Variants in TJP2 observed in about 807,000 individuals in gnomAD.
TJP2 encodes the protein tight junction protein 2.
A neutral mutation model predicts 133.1 loss-of-function variants in TJP2; 91 were observed. The ratio of observed to expected loss-of-function variants is 0.68; its 90% confidence interval spans 0.58 to 0.81. The LOEUF is 0.81. TJP2 is among the 40% of genes least tolerant of loss of function. TJP2 has a pLI of 0.00. For synonymous variants in TJP2, 592 were observed against 583.4 expected (o/e 1.01, Z -0.21); for missense variants, 1,541 against 1,565.6 (o/e 0.98, Z 0.26).
At chr9:69,164,257 T>C (rs1824235571) in intron 2 of TJP2, among the ~76,000 whole-genome samples, 1 of 152,146 alleles carries the variant, frequency 6.6e-6, no homozygotes, top group Non-Finnish European at 1.5e-5. Context: ...ACTCTTCAAC[T>C]TTAATCTGTG....
At chr9:69,147,925 CTTTTT>C (rs71951691) in intron 1 of TJP2, among the ~76,000 whole-genome samples, 1 of 143,774 alleles carries the variant, frequency 7.0e-6, no homozygotes. Context: ...TCACTGATCA[CTTTTT>C]TTTTTTTTTT....
At chr9:69,172,551 C>T (rs769070480), upstream of TJP2, among the ~76,000 whole-genome samples, 6 of 152,144 alleles carry the variant, frequency 3.9e-5, no homozygotes, top group African/African-American at 9.6e-5. Context: ...TGAACAGTGC[C>T]GCTCTAGAGA....
At position 69,255,152 on chromosome 9, in the gene TJP2, G is replaced by A. The variant is rs1831605901; in HGVS notation, c.*778G>A. On this transcript the variant is annotated 3_prime_UTR_variant, in exon 23 of 23. Transcript: ENST00000377245. ...GAAAACACTATTTCCAAAAGCACATGTATTGACAACAGTTTTATAATTTAA... is the reference window on the plus strand; with the variant it reads ...GAAAACACTATTTCCAAAAGCACATATATTGACAACAGTTTTATAATTTAA... 6.6e-6 allele frequency: 1 copy of A among 152,406 alleles called. No homozygotes were observed. Among genetic ancestry groups the A allele is most frequent in the African/African-American group, 2.4e-5 (1 of 41,462 alleles). The allele number at this position is 152,406 out of a possible 1,614,324, so 9.4% of individuals were successfully genotyped here.
intron 1 of TJP2, among the ~76,000 whole-genome samples, chr9:69,133,615 G>A (rs1427527578): frequency 1.4e-5 from 2 of 145,428 alleles, no homozygotes; most frequent in South Asian, 2.3e-4. Flanking sequence ...ACAGTGGCGC[G>A]ATCTCGGCTC....
rs1422289193 is a variant in TJP2, at chr9:69,174,435, A to T, written c.60+3A>T. On this transcript the variant is annotated splice_donor_region_variant and intron_variant, in intron 1 of 22. Coordinates refer to ENST00000377245, the MANE Select transcript of TJP2 (RefSeq NM_004817.4). Reference sequence around the variant, plus strand: ...GGGAGCTGTCAGGTTGGCTCCGCGTAAGTGCCTCCTTGTGCCGCGCGGTTG... The same window carrying T: ...GGGAGCTGTCAGGTTGGCTCCGCGTTAGTGCCTCCTTGTGCCGCGCGGTTG... 2 of 1,551,092 alleles carry T rather than the reference A, an allele frequency of 1.3e-6. No homozygotes were observed. The highest frequency in any genetic ancestry group is 4.9e-5 in the East Asian group (2 of 40,902).
At chr9:69,135,607 ATT>A (rs11398228) in intron 1 of TJP2, among the ~76,000 whole-genome samples, 2 of 146,132 alleles carry the variant, frequency 1.4e-5, no homozygotes, top group African/African-American at 5.0e-5. Context: ...CACCTAGCTG[ATT>A]TTTTTTTTTT....
intron 13 of TJP2, 119 bp downstream of exon 13, chr9:69,236,357 A>C: frequency 1.0e-6 from 1 of 990,374 alleles, no homozygotes; most frequent in Non-Finnish European, 1.5e-6. Flanking sequence ...ACTTGTCACC[A>C]TCTATTTCTT....
intron 16 of TJP2, among the ~76,000 whole-genome samples, chr9:69,239,071 C>A (rs1004067634): frequency 1.2e-4 from 18 of 152,282 alleles, no homozygotes; most frequent in African/African-American, 3.9e-4. Flanking sequence ...TACCTGTAGT[C>A]CCAGCCACTC....
chr9:69,236,995 G>A lies in TJP2; in HGVS notation c.2038G>A (p.Gly680Arg). 2 of 1,614,190 alleles carry A rather than the reference G, an allele frequency of 1.2e-6. No homozygotes were observed. Among genetic ancestry groups the A allele is most frequent in the Non-Finnish European group, 8.5e-7 (1 of 1,180,026 alleles). ...TCAAAATGCCCAGAGAGACAACGCTGGGGACCGGGCAGATTTCTGGAGAAT... is the reference window on the plus strand; with the variant it reads ...TCAAAATGCCCAGAGAGACAACGCTAGGGACCGGGCAGATTTCTGGAGAAT... The part of the protein sequence containing the change: ...SVQNAQRDNA[G>R]DRADFWRMRG... The change falls in exon 14 of 23, where the codon GGG (glycine) becomes AGG (arginine). Residue 680 changes from glycine (G) to arginine (R), a missense_variant. Transcript: ENST00000377245.
chr9:69,252,924 G>A (rs1831447415), intron 22 of TJP2, 24 bp downstream of exon 22: 1 of 1,609,148 alleles, frequency 6.2e-7, no homozygotes, highest in Admixed American at 1.7e-5. Flanking sequence ...AGTGGGTACA[G>A]GTCTAAGGCG....
chr9:69,141,085 A>G (rs1237908425), intron 1 of TJP2, among the ~76,000 whole-genome samples: 5 of 152,140 alleles, frequency 3.3e-5, no homozygotes, highest in Admixed American at 3.3e-4. Context: ...TCCTGACCTC[A>G]GGTGATCCAC....
intron 19 of TJP2, 31 bp downstream of exon 19, chr9:69,248,255 G>A (rs1361996453): frequency 4.5e-6 from 7 of 1,558,046 alleles, no homozygotes; most frequent in Non-Finnish European, 6.1e-6. Context: ...GGCAGGAACA[G>A]GAGAGCCTGG....
intron 12 of TJP2, among the ~76,000 whole-genome samples, chr9:69,234,897 T>G (rs571422235): frequency 6.6e-6 from 1 of 152,204 alleles, no homozygotes; most frequent in Non-Finnish European, 1.5e-5. Context: ...CTGTTACCCC[T>G]GTCCAGTCTG....
rs73647101 is a variant in TJP2, at chr9:69,190,892, C to T, written c.60+16460C>T. On this transcript the variant is annotated intron_variant, in intron 1 of 22. Coordinates refer to ENST00000377245, the MANE Select transcript of TJP2 (RefSeq NM_004817.4). ...ATCTATATGATCTCCGTGATTTTGCCTCTTGTAGTGGCAAGCCTAAAATAT... is the reference window on the plus strand; with the variant it reads ...ATCTATATGATCTCCGTGATTTTGCTTCTTGTAGTGGCAAGCCTAAAATAT... Among the ~76,000 whole-genome samples the T allele has an allele frequency of 4.1e-3, 621 of 152,310 alleles. 7 individuals carry two copies. Among genetic ancestry groups the T allele is most frequent in the African/African-American group, 0.014 (599 of 41,556 alleles).
chr9:69,183,526 C>T (rs1825653745), intron 1 of TJP2, among the ~76,000 whole-genome samples: 1 of 152,042 alleles, frequency 6.6e-6, no homozygotes, highest in African/African-American at 2.4e-5. Context: ...TCTTTTTTGC[C>T]ACTGAGTCGT....
At chr9:69,143,233 T>A (rs1823081144) in intron 1 of TJP2, among the ~76,000 whole-genome samples, 1 of 152,224 alleles carries the variant, frequency 6.6e-6, no homozygotes, top group South Asian at 2.1e-4. Flanking sequence ...GCATCGAAAA[T>A]TCCAATAAAA....
At chr9:69,250,493 G>A (rs535022377) in intron 20 of TJP2, among the ~76,000 whole-genome samples, 1 of 152,294 alleles carries the variant, frequency 6.6e-6, no homozygotes, top group East Asian at 1.9e-4. Flanking sequence ...GTAATAATAA[G>A]TGACCTCATA....
intron 13 of TJP2, 40 bp downstream of exon 13, chr9:69,236,278 T>TC (rs781037334): frequency 6.2e-7 from 1 of 1,602,974 alleles, no homozygotes; most frequent in South Asian, 1.1e-5. Context: ...TTTTAATCCT[T>TC]CCCCCTGCAG....
chr9:69,250,971 A>G, intron 20 of TJP2, 64 bp from the exon 21 acceptor site: 2 of 1,448,852 alleles, frequency 1.4e-6, no homozygotes, highest in Admixed American at 1.7e-5. Context: ...GTATTAAATC[A>G]CTAATATAGA....
Sources: gnomAD v4.1 joint callset for allele counts (sites outside exome capture counted in the v4.1 genomes callset) on GRCh38, gnomAD v4.1.1 for gene constraint, MANE v1.5 for transcripts, NCBI Gene and HGNC (gene_info 2026-07-23, HGNC 2026-07-21) for gene names.